The following NXPE2 variants were observed in gnomAD, a reference collection of about 807,000 sequenced individuals.
NXPE2 encodes the protein NXPE family member 2.
NXPE2 carries 34 observed loss-of-function variants against 34.4 expected under a neutral mutation model. The observed-to-expected ratio is 0.99, with a 90% CI of 0.75 to 1.31. NXPE2 has a LOEUF of 1.31. Among genes scored for constraint, NXPE2 ranks in the 40% most tolerant of loss-of-function variants. The probability of loss-of-function intolerance (pLI) is 0.00; values close to 1 mark genes in which losing one functional copy is unlikely to be tolerated. For synonymous variants in NXPE2, 235 were observed against 231.3 expected (o/e 1.02, Z -0.15); for missense variants, 649 against 672.5 (o/e 0.97, Z 0.39).
chr11:114,633,221 TA>T, the NXPE2 span, among the ~76,000 whole-genome samples: 2 of 133,042 alleles, frequency 1.5e-5, no homozygotes, highest in East Asian at 4.3e-4. Flanking sequence ...TTACATTATA[TA>T]TATAAATATA....
the NXPE2 span, among the ~76,000 whole-genome samples, chr11:114,540,266 A>C: frequency 6.6e-6 from 1 of 152,182 alleles, no homozygotes; most frequent in African/African-American, 2.4e-5. Flanking sequence ...AATAAATCCA[A>C]TTTGTTTAGG....
At chr11:114,618,267 G>A in the NXPE2 span, among the ~76,000 whole-genome samples, 1 of 151,908 alleles carries the variant, frequency 6.6e-6, no homozygotes, top group South Asian at 2.1e-4. Context: ...GCTACCCACT[G>A]GATAATAAGT....
intron 2 of NXPE2, among the ~76,000 whole-genome samples, chr11:114,697,234 C>T (rs1951275204): frequency 6.6e-6 from 1 of 152,070 alleles, no homozygotes; most frequent in African/African-American, 2.4e-5. Flanking sequence ...ATCCTAAATC[C>T]AGTCACAACT....
At chr11:114,491,523 G>A in the NXPE2 span, among the ~76,000 whole-genome samples, 1 of 152,236 alleles carries the variant, frequency 6.6e-6, no homozygotes, top group South Asian at 2.1e-4. Context: ...GTGCTGGAGA[G>A]GATGTGGAGA....
chr11:114,653,649 T>A, the NXPE2 span, among the ~76,000 whole-genome samples: 1 of 148,716 alleles, frequency 6.7e-6, no homozygotes, highest in South Asian at 2.2e-4. Context: ...TGCCTTAGCC[T>A]CCCGAGTAGC....
At chr11:114,564,484 GA>G in the NXPE2 span, among the ~76,000 whole-genome samples, 2 of 152,158 alleles carry the variant, frequency 1.3e-5, no homozygotes, top group African/African-American at 4.8e-5. Flanking sequence ...CTGCCCTCAT[GA>G]AATGTATGAT....
At chr11:114,582,233 T>A in the NXPE2 span, 1 of 1,515,866 alleles carries the variant, frequency 6.6e-7, no homozygotes, top group Non-Finnish European at 8.8e-7. Context: ...TGGATCAGTA[T>A]ATAGGCCAAA....
the NXPE2 span, among the ~76,000 whole-genome samples, chr11:114,562,614 G>A: frequency 6.6e-6 from 1 of 152,142 alleles, no homozygotes; most frequent in Non-Finnish European, 1.5e-5. Context: ...TTTCACAACT[G>A]CATCTGTAAT....
chr11:114,571,558 G>A, the NXPE2 span: 1 of 1,192,906 alleles, frequency 8.4e-7, no homozygotes, highest in Non-Finnish European at 1.2e-6. Context: ...AGATTTGATT[G>A]GTATAATTAA....
downstream of NXPE2, among the ~76,000 whole-genome samples, chr11:114,710,201 A>G (rs1859587513): frequency 6.6e-6 from 1 of 152,206 alleles, no homozygotes; most frequent in Non-Finnish European, 1.5e-5. Flanking sequence ...TAGAAAAAGA[A>G]GAACAAACCA....
the NXPE2 span, among the ~76,000 whole-genome samples, chr11:114,672,996 A>G: frequency 6.6e-6 from 1 of 150,660 alleles, no homozygotes; most frequent in Non-Finnish European, 1.5e-5. Context: ...ACAACAGAAA[A>G]CATATTCTTC....
the NXPE2 span, among the ~76,000 whole-genome samples, chr11:114,773,401 C>A: frequency 6.6e-6 from 1 of 151,774 alleles, no homozygotes; most frequent in African/African-American, 2.4e-5. Context: ...CCCCTTTGCC[C>A]TTGACTCAAC....
chr11:114,775,569 A>T, the NXPE2 span, among the ~76,000 whole-genome samples: 17 of 152,314 alleles, frequency 1.1e-4, no homozygotes, highest in East Asian at 2.1e-3. Context: ...GAGAAAAAGG[A>T]TATGAGAAAG....
chr11:114,663,773 T>G, the NXPE2 span, among the ~76,000 whole-genome samples: 1 of 151,792 alleles, frequency 6.6e-6, no homozygotes, highest in Non-Finnish European at 1.5e-5. Flanking sequence ...AAGTAAAAAA[T>G]AGCCAAAATT....
At chr11:114,630,959 CA>C in the NXPE2 span, among the ~76,000 whole-genome samples, 2 of 150,964 alleles carry the variant, frequency 1.3e-5, no homozygotes, top group East Asian at 3.9e-4. Flanking sequence ...AAATGCAAAT[CA>C]AAACCACAAT....
the NXPE2 span, among the ~76,000 whole-genome samples, chr11:114,489,565 A>G: frequency 6.6e-6 from 1 of 152,364 alleles, no homozygotes; most frequent in East Asian, 1.9e-4. Flanking sequence ...ATGCAAATCA[A>G]TAAACGTAAT....
the NXPE2 span, among the ~76,000 whole-genome samples, chr11:114,533,412 C>T: frequency 1.3e-5 from 2 of 152,182 alleles, no homozygotes; most frequent in African/African-American, 4.8e-5. Context: ...CTTGGTTCAT[C>T]TCATGGGGAG....
the NXPE2 span, among the ~76,000 whole-genome samples, chr11:114,735,260 T>C: frequency 6.6e-6 from 1 of 152,140 alleles, no homozygotes; most frequent in Non-Finnish European, 1.5e-5. Flanking sequence ...AATCTATAAA[T>C]CTGAGTACAA....
the NXPE2 span, among the ~76,000 whole-genome samples, chr11:114,524,393 A>G: frequency 6.6e-6 from 1 of 152,200 alleles, no homozygotes; most frequent in Non-Finnish European, 1.5e-5. Context: ...GCCTATGTCC[A>G]CAGAATAGTG....
Sources: gnomAD v4.1 joint callset for allele counts (sites outside exome capture counted in the v4.1 genomes callset) on GRCh38, gnomAD v4.1.1 for gene constraint, MANE v1.5 for transcripts, NCBI Gene and HGNC (gene_info 2026-07-23, HGNC 2026-07-21) for gene names.